PCSK5: variants seen among roughly 807,000 people sequenced by gnomAD.
PCSK5 encodes prohormone convertase 5.
In PCSK5, 129 loss-of-function variants were observed where a neutral mutation model predicts 233.2. The observed-to-expected ratio is 0.55, with a 90% CI of 0.48 to 0.64. The LOEUF (loss-of-function observed/expected upper bound fraction) is 0.64, where lower values mean the gene tolerates loss of function less well. PCSK5 is among the 30% of genes least tolerant of loss of function. PCSK5 has a pLI of 0.00. For missense variants in PCSK5, 2,076 were observed against 2,430.1 expected (o/e 0.85, Z 3.06); for synonymous variants, 825 against 879.2 (o/e 0.94, Z 1.09).
At chr9:76,028,813 G>T (rs1828537334) in intron 5 of PCSK5, among the ~76,000 whole-genome samples, 1 of 152,102 alleles carries the variant, frequency 6.6e-6, no homozygotes, top group African/African-American at 2.4e-5. Context: ...TTTGTTTCAG[G>T]GTTAAACCAT....
intron 20 of PCSK5, 104 bp from the exon 21 acceptor site, chr9:76,227,399 G>C (rs1221137843): frequency 1.3e-6 from 1 of 751,016 alleles, no homozygotes; most frequent in Non-Finnish European, 2.3e-6. Flanking sequence ...TGTGTTGTCT[G>C]CATTGCTTTC....
rs757715541 is a variant in PCSK5 at position 76,227,484 on chromosome 9, A to G, written c.2627-19A>G. The G allele has an allele frequency of 3.7e-5, 58 of 1,561,944 alleles. No homozygotes were observed. In the African/African-American group the frequency reaches 5.5e-4, roughly 15 times the overall value. On this transcript the variant is annotated intron_variant, in intron 20 of 37. Coordinates refer to ENST00000674117, the MANE Select transcript of PCSK5 (RefSeq NM_001372043.1). ...TTGCCATGTAGAAATGAAATAAACA[A>G]CTAGATTTTGTTCCCCAGGAGAATA...
intron 3 of PCSK5, among the ~76,000 whole-genome samples, chr9:76,003,348 G>A (rs759589210): frequency 8.5e-5 from 13 of 152,094 alleles, no homozygotes; most frequent in Non-Finnish European, 4.4e-5. Context: ...ACTCCAGCCT[G>A]GGCAATAGAG....
chr9:76,230,262 A>T (rs758194513), intron 21 of PCSK5, among the ~76,000 whole-genome samples: 14 of 152,160 alleles, frequency 9.2e-5, no homozygotes, highest in Non-Finnish European at 1.8e-4. Flanking sequence ...AGAAATAATC[A>T]TCCTCTTACA....
intron 20 of PCSK5, among the ~76,000 whole-genome samples, chr9:76,217,701 T>C (rs1437915436): frequency 6.6e-6 from 1 of 152,202 alleles, no homozygotes; most frequent in Admixed American, 6.5e-5. Flanking sequence ...ACAGTGGGAA[T>C]GAGAGGAATC....
intron 15 of PCSK5, among the ~76,000 whole-genome samples, 169 bp downstream of exon 15, chr9:76,179,867 G>A (rs1272365397): frequency 6.6e-6 from 1 of 152,086 alleles, no homozygotes; most frequent in Admixed American, 6.5e-5. Context: ...GCCTCCCTGT[G>A]TTATTCAGAA....
intron 20 of PCSK5, among the ~76,000 whole-genome samples, chr9:76,220,361 T>A (rs1825685337): frequency 6.6e-6 from 1 of 151,840 alleles, no homozygotes; most frequent in Non-Finnish European, 1.5e-5. Context: ...ACCCTGTCTC[T>A]ACTAAAAATA....
chr9:76,239,099 A>C lies in PCSK5; in HGVS notation c.3007A>C (p.Arg1003=). 6.2e-7 allele frequency: 1 copy of C among 1,606,988 alleles called. No individual in the cohort carries two copies. The highest frequency in any genetic ancestry group is 8.5e-7 in the Non-Finnish European group (1 of 1,177,250). The change falls in exon 23 of 38, where the codon AGA becomes CGA. Residue 1003 remains arginine (R), a synonymous_variant. Coordinates refer to ENST00000674117, the MANE Select transcript of PCSK5 (RefSeq NM_001372043.1). ...ELCHSVHVCT[R]CMKGYFIAPT... Reference sequence around the variant, plus strand: ...TTGCCACAGCGTGCATGTCTGCACAAGATGCATGAAGGGCTACTTCATAGC... The same window carrying C: ...TTGCCACAGCGTGCATGTCTGCACACGATGCATGAAGGGCTACTTCATAGC...
At chr9:76,246,751 G>C (rs1466860363) in intron 24 of PCSK5, among the ~76,000 whole-genome samples, 1 of 152,206 alleles carries the variant, frequency 6.6e-6, no homozygotes, top group Non-Finnish European at 1.5e-5. Context: ...GCTACCAAAA[G>C]AGCAAAGACG....
At chr9:76,231,636 T>C (rs1826087123) in intron 21 of PCSK5, among the ~76,000 whole-genome samples, 1 of 152,234 alleles carries the variant, frequency 6.6e-6, no homozygotes, top group Non-Finnish European at 1.5e-5. Context: ...TTGTTCATTT[T>C]AAACTAGCCA....
At chr9:75,926,031 C>T (rs1380894828) in intron 1 of PCSK5, among the ~76,000 whole-genome samples, 3 of 152,134 alleles carry the variant, frequency 2.0e-5, no homozygotes, top group Non-Finnish European at 1.5e-5. Context: ...ACTTGGTTCT[C>T]CCCCATCTCA....
intron 27 of PCSK5, among the ~76,000 whole-genome samples, chr9:76,301,052 C>A (rs530877931): frequency 6.6e-6 from 1 of 152,024 alleles, no homozygotes; most frequent in Admixed American, 6.6e-5. Context: ...GTGGGCAGAT[C>A]ACTTGAGGCC....
rs954170485 is a variant in PCSK5, at chr9:76,359,028, T to C, written c.*106T>C. ...CCAGGCTGATGTGTGAGTTTTTCTA[T>C]TTGTCTTCTTTAACCATGAGTCCAA... On this transcript the variant is annotated 3_prime_UTR_variant, in exon 38 of 38. Transcript: ENST00000674117. The C allele has an allele frequency of 1.4e-5, 12 of 860,700 alleles. No individual in the cohort carries two copies. The Admixed American group carries it at 2.8e-4, about 20-fold the overall frequency. 53.3% of individuals were successfully genotyped at this position (860,700 alleles called of 1,614,324 possible). A position where few individuals can be genotyped will look rare whatever the true frequency, so the allele number is the denominator to read the frequency against.
chr9:76,053,322 A>T (rs565555847), intron 5 of PCSK5, among the ~76,000 whole-genome samples: 13 of 152,324 alleles, frequency 8.5e-5, no homozygotes, highest in Non-Finnish European at 1.8e-4. Flanking sequence ...TTTAGCCTGG[A>T]CATCCAGGCA....
At chr9:75,984,977 A>G (rs944278679) in intron 2 of PCSK5, among the ~76,000 whole-genome samples, 2 of 152,186 alleles carry the variant, frequency 1.3e-5, no homozygotes, top group Admixed American at 1.3e-4. Context: ...ATGGCTGGAT[A>G]TGGAATTACA....
chr9:76,017,270 T>C (rs1019868886), intron 3 of PCSK5, among the ~76,000 whole-genome samples: 3 of 152,178 alleles, frequency 2.0e-5, no homozygotes, highest in Non-Finnish European at 4.4e-5. Flanking sequence ...AATGATCAAT[T>C]GCCCTTTCAA....
At chr9:75,919,057 C>T (rs557281651) in intron 1 of PCSK5, among the ~76,000 whole-genome samples, 1 of 152,236 alleles carries the variant, frequency 6.6e-6, no homozygotes, top group East Asian at 1.9e-4. Context: ...GTAGCCACCA[C>T]CATAAGAAAC....
intron 6 of PCSK5, among the ~76,000 whole-genome samples, chr9:76,071,445 T>A (rs1468817979): frequency 6.6e-6 from 1 of 152,056 alleles, no homozygotes; most frequent in Non-Finnish European, 1.5e-5. Context: ...AAGAGAGGGA[T>A]GAGAAGGGAG....
intron 3 of PCSK5, among the ~76,000 whole-genome samples, chr9:76,003,772 G>A (rs1034718003): frequency 1.3e-5 from 2 of 151,930 alleles, no homozygotes; most frequent in African/African-American, 2.4e-5. Flanking sequence ...CCAGAACACA[G>A]GGTCATACAT....
Sources: allele counts gnomAD v4.1 joint callset (sites outside exome capture counted in the v4.1 genomes callset), GRCh38; gene constraint gnomAD v4.1.1; transcripts MANE v1.5; gene names NCBI Gene and HGNC (gene_info 2026-07-23, HGNC 2026-07-21).